MSANTD5: variants seen among roughly 807,000 people sequenced by gnomAD.
MSANTD5 encodes the protein Myb/SANT DNA binding domain containing 5.
upstream of MSANTD5, among the ~76,000 whole-genome samples, chr5:178,698,731 T>C (rs978172751): frequency 1.4e-5 from 2 of 147,090 alleles, no homozygotes; most frequent in African/African-American, 5.0e-5. Context: ...TGCAGGTGCT[T>C]GTGCCACCAT....
chr5:178,698,034 CCT>C (rs559141913), upstream of MSANTD5, among the ~76,000 whole-genome samples: 63 of 152,188 alleles, frequency 4.1e-4, no homozygotes, highest in African/African-American at 1.5e-3. Flanking sequence ...ACCCCTTCCC[CCT>C]GAGTTCGTGC....
chr5:178,693,979 C>G (rs567390593), downstream of MSANTD5, among the ~76,000 whole-genome samples: 121 of 152,048 alleles, frequency 8.0e-4, 2 homozygotes, highest in African/African-American at 2.8e-3. Flanking sequence ...AGTAAGATAT[C>G]AGCTTTAATT....
downstream of MSANTD5, among the ~76,000 whole-genome samples, chr5:178,693,862 G>A (rs1765382214): frequency 6.6e-6 from 1 of 151,972 alleles, no homozygotes; most frequent in African/African-American, 2.4e-5. Flanking sequence ...CGACCCAGAA[G>A]CCCAGCTGGA....
chr5:178,693,164 T>A (rs1292115328), downstream of MSANTD5, among the ~76,000 whole-genome samples: 1 of 151,608 alleles, frequency 6.6e-6, no homozygotes, highest in East Asian at 1.9e-4. Context: ...TACAAAAAAA[T>A]TAACCAGACA....
downstream of MSANTD5, among the ~76,000 whole-genome samples, chr5:178,693,942 T>C (rs1298196720): frequency 6.6e-6 from 1 of 152,052 alleles, no homozygotes; most frequent in Non-Finnish European, 1.5e-5. Flanking sequence ...ATGCCACCTG[T>C]GTTTTTATCC....
the MSANTD5 span, among the ~76,000 whole-genome samples, chr5:178,705,661 T>C: frequency 1.3e-5 from 2 of 151,824 alleles, no homozygotes; most frequent in Non-Finnish European, 2.9e-5. Context: ...AACTGCAAAA[T>C]AGGAGGTTGT....
At chr5:178,692,757 G>A (rs1765369873), downstream of MSANTD5, among the ~76,000 whole-genome samples, 1 of 151,996 alleles carries the variant, frequency 6.6e-6, no homozygotes, top group Non-Finnish European at 1.5e-5. Flanking sequence ...GTGTATTTCA[G>A]CGGTTGCCAG....
chr5:178,696,209 T>A (rs1765410415), intron 1 of MSANTD5, 28 bp from the exon 2 acceptor site: 1 of 150,510 alleles, frequency 6.6e-6, no homozygotes, highest in African/African-American at 2.5e-5. Flanking sequence ...TAAATACATA[T>A]TAGAATCTCT....
At chr5:178,696,214 ATCTCTCTC>A (rs200012505) in intron 1 of MSANTD5, 33 bp from the exon 2 acceptor site, 1 of 150,248 alleles carries the variant, frequency 6.7e-6, no homozygotes, top group East Asian at 1.9e-4. Context: ...ACATATTAGA[ATCTCTCTC>A]TCTCTCTCTC....
At chr5:178,699,349 T>G (rs1398633653), upstream of MSANTD5, among the ~76,000 whole-genome samples, 1 of 152,190 alleles carries the variant, frequency 6.6e-6, no homozygotes. Flanking sequence ...AAAACAGAAA[T>G]GCAGAAATAA....
upstream of MSANTD5, among the ~76,000 whole-genome samples, chr5:178,701,815 G>A (rs1765487563): frequency 6.7e-6 from 1 of 149,616 alleles, no homozygotes. Context: ...GTGTGTTCTT[G>A]GCCTACTGGA....
At chr5:178,707,238 A>T in the MSANTD5 span, 1 of 152,180 alleles carries the variant, frequency 6.6e-6, no homozygotes, top group African/African-American at 2.4e-5. Flanking sequence ...ACAGAATCAC[A>T]AAAGTCCTTT....
chr5:178,697,409 G>C (rs569859814), intron 1 of MSANTD5, among the ~76,000 whole-genome samples, 177 bp downstream of exon 1: 72 of 152,212 alleles, frequency 4.7e-4, no homozygotes, highest in Middle Eastern at 3.4e-3. Context: ...AGCCGGGATC[G>C]CGCCCCTGCA....
At chr5:178,704,245 G>A in the MSANTD5 span, among the ~76,000 whole-genome samples, 10 of 152,234 alleles carry the variant, frequency 6.6e-5, no homozygotes, top group East Asian at 1.4e-3. Flanking sequence ...GAATGCTTGC[G>A]TACCCCCAAA....
At chr5:178,701,205 T>C (rs961353264), upstream of MSANTD5, among the ~76,000 whole-genome samples, 2 of 152,108 alleles carry the variant, frequency 1.3e-5, no homozygotes, top group Non-Finnish European at 2.9e-5. Context: ...TCTCCAACTC[T>C]TGACCTCGTG....
upstream of MSANTD5, among the ~76,000 whole-genome samples, chr5:178,700,140 C>T (rs542961993): frequency 6.6e-6 from 1 of 152,266 alleles, no homozygotes; most frequent in African/African-American, 2.4e-5. Context: ...AGGCCCCCGT[C>T]GCCCTGGGCA....
At chr5:178,706,190 C>T in the MSANTD5 span, among the ~76,000 whole-genome samples, 7 of 152,074 alleles carry the variant, frequency 4.6e-5, no homozygotes, top group African/African-American at 1.7e-4. Flanking sequence ...TATGTTGAAC[C>T]AACATTGGAC....
At chr5:178,697,328 C>T (rs1765427164) in intron 1 of MSANTD5, among the ~76,000 whole-genome samples, 1 of 151,956 alleles carries the variant, frequency 6.6e-6, no homozygotes, top group Admixed American at 6.5e-5. Context: ...GTGGCGGGCG[C>T]CTGTAGTCCC....
upstream of MSANTD5, among the ~76,000 whole-genome samples, chr5:178,699,847 G>A (rs1394111290): frequency 3.7e-4 from 56 of 152,112 alleles, 3 homozygotes; most frequent in Non-Finnish European, 2.9e-5. Context: ...TCTTGTCCTC[G>A]GTATATGCAC....
Sources: gnomAD v4.1 joint callset for allele counts (sites outside exome capture counted in the v4.1 genomes callset) on GRCh38, gnomAD v4.1.1 for gene constraint, MANE v1.5 for transcripts, NCBI Gene and HGNC (gene_info 2026-07-23, HGNC 2026-07-21) for gene names.